Variants in GALNTL6 observed in about 807,000 individuals in gnomAD.
The protein encoded by GALNTL6 is polypeptide N-acetylgalactosaminyltransferase-like 6.
A neutral mutation model predicts 73.7 loss-of-function variants in GALNTL6; 46 were observed. That is an observed-to-expected ratio of 0.62 (90% CI 0.49 to 0.80). The LOEUF is 0.80. GALNTL6 is among the 30% of genes least tolerant of loss of function. The pLI is 0.00. For synonymous variants in GALNTL6, 259 were observed against 263.7 expected, an observed-to-expected ratio of 0.98 and a Z score of 0.17; for missense variants, 604 against 755.0, an observed-to-expected ratio of 0.80 and a Z score of 2.34.
rs147771420 is a variant in GALNTL6 at position 173,006,470 on chromosome 4, T to C, written c.1372-2708T>C. On this transcript the variant is annotated intron_variant, in intron 10 of 12. Transcript: ENST00000506823. Reference sequence around the variant, plus strand: ...CAGGCTCAAGACAGCAATAGCAAAATCTACCTTTGACCTTCTGGGTGTTTC... The same window carrying C: ...CAGGCTCAAGACAGCAATAGCAAAACCTACCTTTGACCTTCTGGGTGTTTC... 3.3e-3 allele frequency among the ~76,000 whole-genome samples: 508 copies of C among 152,230 alleles called. 3 individuals carry two copies. The highest frequency in any genetic ancestry group is 0.011 in the African/African-American group (444 of 41,516).
At chr4:172,277,024 A>AT (rs547276071) in intron 3 of GALNTL6, among the ~76,000 whole-genome samples, 1 of 151,658 alleles carries the variant, frequency 6.6e-6, no homozygotes. Flanking sequence ...ACATACTTGG[A>AT]TTTTTTCTTT....
intron 5 of GALNTL6, among the ~76,000 whole-genome samples, chr4:172,653,617 A>G (rs1740601214): frequency 6.6e-6 from 1 of 152,184 alleles, no homozygotes; most frequent in Non-Finnish European, 1.5e-5. Flanking sequence ...GGAAAAAAAA[A>G]TACCTTGCTA....
intron 2 of GALNTL6, among the ~76,000 whole-genome samples, chr4:171,989,045 C>A (rs1013192783): frequency 2.0e-5 from 3 of 151,952 alleles, no homozygotes; most frequent in Non-Finnish European, 4.4e-5. Context: ...AAAAGGAGTG[C>A]TTAAAAGAGT....
At chr4:171,841,071 C>A (rs899613201) in intron 2 of GALNTL6, among the ~76,000 whole-genome samples, 1 of 152,130 alleles carries the variant, frequency 6.6e-6, no homozygotes, top group Non-Finnish European at 1.5e-5. Context: ...TGGCTGTGAA[C>A]AAAACCTTTT....
intron 2 of GALNTL6, among the ~76,000 whole-genome samples, chr4:171,825,978 A>C (rs561611575): frequency 6.6e-6 from 1 of 152,280 alleles, no homozygotes; most frequent in African/African-American, 2.4e-5. Flanking sequence ...CTGTCAGTTT[A>C]TTCCAAACTA....
intron 5 of GALNTL6, among the ~76,000 whole-genome samples, chr4:172,374,634 G>T (rs867231233): frequency 6.6e-6 from 1 of 152,038 alleles, no homozygotes; most frequent in Non-Finnish European, 1.5e-5. Context: ...TTATGACTCC[G>T]GTCCCTGTGA....
intron 3 of GALNTL6, among the ~76,000 whole-genome samples, chr4:172,265,957 A>G (rs916564796): frequency 4.6e-5 from 7 of 152,072 alleles, no homozygotes; most frequent in Admixed American, 3.3e-4. Context: ...TCTCCACATT[A>G]AAATTTATTT....
At chr4:172,246,998 CAT>C (rs1487262877) in intron 3 of GALNTL6, among the ~76,000 whole-genome samples, 2 of 152,016 alleles carry the variant, frequency 1.3e-5, no homozygotes, top group Non-Finnish European at 2.9e-5. Flanking sequence ...ATTTATAACA[CAT>C]GTGATCCGAA....
chr4:172,382,836 TTC>T (rs1743332103), intron 5 of GALNTL6, among the ~76,000 whole-genome samples: 1 of 152,112 alleles, frequency 6.6e-6, no homozygotes, highest in Non-Finnish European at 1.5e-5. Flanking sequence ...GACTATTCTT[TTC>T]AACCCATAAT....
intron 10 of GALNTL6, among the ~76,000 whole-genome samples, chr4:172,963,664 C>G (rs1750189120): frequency 6.6e-6 from 1 of 152,172 alleles, no homozygotes; most frequent in South Asian, 2.1e-4. Flanking sequence ...GAAGCCACCC[C>G]AGGGCACACT....
At chr4:172,328,652 G>A (rs1741023254) in intron 4 of GALNTL6, among the ~76,000 whole-genome samples, 1 of 152,016 alleles carries the variant, frequency 6.6e-6, no homozygotes. Context: ...TTCAAGTTCT[G>A]AGATTCATTC....
chr4:172,322,182 C>T (rs950675821), intron 4 of GALNTL6, among the ~76,000 whole-genome samples: 5 of 152,110 alleles, frequency 3.3e-5, no homozygotes, highest in African/African-American at 4.8e-5. Context: ...GTCAAAATGT[C>T]GAACCATGCA....
intron 5 of GALNTL6, among the ~76,000 whole-genome samples, chr4:172,412,258 T>A (rs1744472694): frequency 6.6e-6 from 1 of 152,112 alleles, no homozygotes; most frequent in Non-Finnish European, 1.5e-5. Context: ...ACCAGGCTGA[T>A]CTAGAACTTC....
In GALNTL6 at chr4:172,756,479, A is replaced by G. The variant is rs146002951; in HGVS notation, c.554-52882A>G. On this transcript the variant is annotated intron_variant, in intron 5 of 12. Coordinates refer to ENST00000506823, the MANE Select transcript of GALNTL6 (RefSeq NM_001034845.3). The stretch of plus-strand genomic sequence containing the variant: ...ACCATTATGGTGAAACCTCATCTCT[A>G]CCAAAAATACAAAAAATTAGTGGGG... Among the ~76,000 whole-genome samples the G allele has an allele frequency of 1.3e-3, 202 of 152,138 alleles. 1 individual carries two copies. Among genetic ancestry groups the G allele is most frequent in the African/African-American group, 4.7e-3 (193 of 41,464 alleles).
In GALNTL6 at chr4:171,814,482, C is replaced by T. The variant is rs891649317; in HGVS notation, c.-99C>T. On this transcript the variant is annotated 5_prime_UTR_variant, in exon 2 of 13. Transcript: ENST00000506823. ...ACAAAAGTTTGTAGCTTCTCAGTTT[C>T]TGGTGCTTCGCAGGGGAGAGGAAAG... 30 of 1,317,690 alleles carry T rather than the reference C, an allele frequency of 2.3e-5. No individual in the cohort carries two copies. Among genetic ancestry groups the T allele is most frequent in the Non-Finnish European group, 3.1e-5 (29 of 940,168 alleles). 81.6% of individuals were successfully genotyped at this position (1,317,690 alleles called of 1,614,324 possible). A position where few individuals can be genotyped will look rare whatever the true frequency, so the allele number is the denominator to read the frequency against.
chr4:172,225,055 C>T (rs913271282), intron 2 of GALNTL6, among the ~76,000 whole-genome samples: 1 of 152,004 alleles, frequency 6.6e-6, no homozygotes, highest in African/African-American at 2.4e-5. Flanking sequence ...AAATGGCCAA[C>T]CTAATGATGG....
In GALNTL6 at chr4:172,733,407, A is replaced by G. The variant is rs149079870; in HGVS notation, c.554-75954A>G. 1.4e-3 allele frequency among the ~76,000 whole-genome samples: 217 copies of G among 152,130 alleles called. 1 individual carries two copies. Among genetic ancestry groups the G allele is most frequent in the African/African-American group, 5.1e-3 (210 of 41,510 alleles). On this transcript the variant is annotated intron_variant, in intron 5 of 12. Coordinates refer to ENST00000506823, the MANE Select transcript of GALNTL6 (RefSeq NM_001034845.3). ...TATCTAATGCCTTGGGGTATTTGAT[A>G]TGGTTTGGCTGTGTCCCTGCCGAAA... is the stretch of plus-strand genomic sequence containing the variant.
At chr4:172,037,534 TC>T (rs1445210101) in intron 2 of GALNTL6, among the ~76,000 whole-genome samples, 2 of 152,152 alleles carry the variant, frequency 1.3e-5, no homozygotes, top group African/African-American at 4.8e-5. Context: ...TACATTCCTC[TC>T]TTTTCCTTGT....
intron 7 of GALNTL6, among the ~76,000 whole-genome samples, chr4:172,864,768 G>A (rs976209004): frequency 3.3e-5 from 5 of 152,154 alleles, no homozygotes; most frequent in Admixed American, 3.3e-4. Flanking sequence ...TGGGTTTATA[G>A]AATATTTGTT....
Sources: allele counts gnomAD v4.1 joint callset (sites outside exome capture counted in the v4.1 genomes callset), GRCh38; gene constraint gnomAD v4.1.1; transcripts MANE v1.5; gene names NCBI Gene and HGNC (gene_info 2026-07-23, HGNC 2026-07-21).